The following GAB1 variants were observed in gnomAD, a reference collection of about 807,000 sequenced individuals.
GAB1 encodes GRB2-associated-binding protein 1.
Under a neutral mutation model 66.5 loss-of-function variants are expected in GAB1, and 19 were observed. The observed-to-expected ratio is 0.29, with a 90% CI of 0.20 to 0.42. The LOEUF (loss-of-function observed/expected upper bound fraction) is 0.42, where lower values mean the gene tolerates loss of function less well. Ranked by LOEUF, GAB1 falls within the 10% of genes least tolerant of loss-of-function variation. The pLI, the probability that GAB1 is intolerant of heterozygous loss-of-function variation, is 1.00. For missense variants in GAB1, 732 were observed against 858.5 expected (o/e 0.85, Z 1.84); for synonymous variants, 294 against 301.4 (o/e 0.98, Z 0.25).
intron 1 of GAB1, among the ~76,000 whole-genome samples, chr4:143,364,720 C>T (rs62337516): frequency 0.042 from 6,451 of 151,980 alleles, 140 homozygotes; most frequent in African/African-American, 0.052. Context: ...ATTCCTTTCT[C>T]TTCACTCCTA....
chr4:143,467,864 A>G (rs957058822), intron 9 of GAB1, among the ~76,000 whole-genome samples: 16 of 152,270 alleles, frequency 1.1e-4, no homozygotes, highest in African/African-American at 3.9e-4. Context: ...CACGTTTACC[A>G]TTTAGAAGCT....
chr4:143,448,720 G>T (rs199594311), intron 6 of GAB1, among the ~76,000 whole-genome samples: 6 of 149,840 alleles, frequency 4.0e-5, no homozygotes, highest in African/African-American at 4.9e-5. Context: ...TATCAATTTT[G>T]TTGATCCTTT....
At chr4:143,339,958 G>A (rs940483418) in intron 1 of GAB1, among the ~76,000 whole-genome samples, 4 of 152,314 alleles carry the variant, frequency 2.6e-5, no homozygotes, top group South Asian at 4.1e-4. Flanking sequence ...AGTCCTGGAA[G>A]ACAGTAGACA....
intron 2 of GAB1, among the ~76,000 whole-genome samples, chr4:143,428,017 A>G (rs978724548): frequency 6.6e-6 from 1 of 152,240 alleles, no homozygotes; most frequent in African/African-American, 2.4e-5. Flanking sequence ...AGGGGGGCCT[A>G]TGGGGGTGGG....
intron 1 of GAB1, among the ~76,000 whole-genome samples, chr4:143,376,143 T>G (rs1730407095): frequency 6.6e-6 from 1 of 152,122 alleles, no homozygotes; most frequent in African/African-American, 2.4e-5. Flanking sequence ...CCTTTATACT[T>G]ATGCTTTATA....
At chr4:143,357,130 A>C (rs1452663000) in intron 1 of GAB1, among the ~76,000 whole-genome samples, 6 of 152,036 alleles carry the variant, frequency 3.9e-5, no homozygotes, top group African/African-American at 1.5e-4. Flanking sequence ...TAGCTGGAGA[A>C]CCTCTTCTGC....
chr4:143,391,463 G>C (rs759262887), intron 1 of GAB1: 1 of 152,208 alleles, frequency 6.6e-6, no homozygotes, highest in Non-Finnish European at 1.5e-5. Context: ...TGGGCAACAA[G>C]AAAGGCTTAC....
At chr4:143,431,955 C>T (rs190084648) in intron 2 of GAB1, among the ~76,000 whole-genome samples, 3 of 152,136 alleles carry the variant, frequency 2.0e-5, no homozygotes, top group Admixed American at 2.0e-4. Context: ...AAAAAAAAGG[C>T]CTCGCTTTAA....
intron 6 of GAB1, among the ~76,000 whole-genome samples, chr4:143,449,566 A>C (rs1017066924): frequency 8.6e-5 from 13 of 151,772 alleles, no homozygotes; most frequent in Non-Finnish European, 1.5e-4. Flanking sequence ...GTCTCTTTTG[A>C]TCTTTGTTGG....
At chr4:143,418,835 A>C (rs1047015275) in intron 2 of GAB1, among the ~76,000 whole-genome samples, 5 of 152,200 alleles carry the variant, frequency 3.3e-5, no homozygotes, top group African/African-American at 1.2e-4. Context: ...AAGAATTTTT[A>C]ATTCTCAAGT....
rs139704405 is a variant in GAB1, at chr4:143,438,495, C to T, written c.1090C>T (p.Arg364Cys). The T allele has an allele frequency of 1.1e-4, 173 of 1,613,986 alleles. No individual in the cohort carries two copies. In the African/African-American group the frequency reaches 1.7e-3, roughly 16 times the overall value. ...RSPVETCSIP[R>C]TASDTDSSYC... ...TCCTGTGGAAACGTGTAGTATCCCA[C>T]GCACCGCCTCAGACACTGACAGTAG... The change falls in exon 4 of 10, where the codon CGC (arginine) becomes TGC (cysteine). Residue 364 changes from arginine (R) to cysteine (C), a missense_variant. Transcript: ENST00000262994.
chr4:143,423,491 A>G (rs1471392821), intron 2 of GAB1, among the ~76,000 whole-genome samples: 3 of 151,988 alleles, frequency 2.0e-5, no homozygotes, highest in Admixed American at 2.0e-4. Flanking sequence ...AGGTCAGGAG[A>G]TCGAGACCAT....
chr4:143,426,016 A>G, intron 2 of GAB1: 1 of 618,782 alleles, frequency 1.6e-6, no homozygotes, highest in Non-Finnish European at 2.8e-6. Flanking sequence ...CAAAAAAAGA[A>G]AAAATTAACT....
intron 2 of GAB1, among the ~76,000 whole-genome samples, chr4:143,424,039 G>C (rs781642610): frequency 6.6e-6 from 1 of 151,690 alleles, no homozygotes; most frequent in South Asian, 2.1e-4. Flanking sequence ...AAACGTAATT[G>C]CCTGGCTAGG....
chr4:143,439,766 T>TG lies in GAB1; in HGVS notation c.1196-33dup. On this transcript the variant is annotated intron_variant, in intron 4 of 9. Transcript: ENST00000262994. The stretch of plus-strand genomic sequence containing the variant: ...CAATGACCCTGAGAGCTGGCAAAGA[T>TG]GGGAATAAATGTTGATAGTTTGTTC... 2.7e-6 allele frequency: 4 copies of TG among 1,457,498 alleles called. No homozygotes were observed. In the African/African-American group the frequency reaches 5.6e-5, roughly 20 times the overall value. The allele number at this position is 1,457,498 out of a possible 1,614,324, so 90.3% of individuals were successfully genotyped here. A position where few individuals can be genotyped will look rare whatever the true frequency, so the allele number is the denominator to read the frequency against.
intron 1 of GAB1, among the ~76,000 whole-genome samples, chr4:143,363,879 T>C (rs1027065351): frequency 1.3e-5 from 2 of 152,106 alleles, no homozygotes; most frequent in Admixed American, 1.3e-4. Context: ...CATCTGTTGC[T>C]TTAGAGGCCA....
chr4:143,441,428 T>G (rs1460585105), intron 6 of GAB1, among the ~76,000 whole-genome samples: 2 of 152,244 alleles, frequency 1.3e-5, no homozygotes, highest in Non-Finnish European at 2.9e-5. Flanking sequence ...CTCCTTAACC[T>G]GGGCTTAGAT....
chr4:143,423,879 A>C (rs1221896928), intron 2 of GAB1, among the ~76,000 whole-genome samples: 1 of 141,926 alleles, frequency 7.0e-6, no homozygotes, highest in Non-Finnish European at 1.5e-5. Flanking sequence ...TTTTAAAAAA[A>C]AGGAAACTTT....
chr4:143,448,326 C>T (rs1296545189), intron 6 of GAB1, among the ~76,000 whole-genome samples: 1 of 151,812 alleles, frequency 6.6e-6, no homozygotes, highest in African/African-American at 2.4e-5. Flanking sequence ...AGGGAGGATT[C>T]CCTCTTTTTC....
Sources: allele counts gnomAD v4.1 joint callset (sites outside exome capture counted in the v4.1 genomes callset), GRCh38; gene constraint gnomAD v4.1.1; transcripts MANE v1.5; gene names NCBI Gene and HGNC (gene_info 2026-07-23, HGNC 2026-07-21).